RORA: variants seen among roughly 807,000 people sequenced by gnomAD.
RORA encodes the protein RAR related orphan receptor A.
A neutral mutation model predicts 69.5 loss-of-function variants in RORA; 7 were observed. The observed-to-expected ratio is 0.10, with a 90% CI of 0.06 to 0.19. The LOEUF (loss-of-function observed/expected upper bound fraction) is 0.19, where lower values mean the gene tolerates loss of function less well. Ranked by LOEUF, RORA falls within the 10% of genes least tolerant of loss-of-function variation. The pLI is 1.00. For synonymous variants in RORA, 261 were observed against 240.8 expected (o/e 1.08, Z -0.78); for missense variants, 457 against 663.0 (o/e 0.69, Z 3.41).
At chr15:60,701,501 G>T (rs1369675841) in intron 1 of RORA, among the ~76,000 whole-genome samples, 1 of 152,162 alleles carries the variant, frequency 6.6e-6, no homozygotes. Flanking sequence ...GTGAACAAAG[G>T]ATTTGGAACT....
intron 1 of RORA, among the ~76,000 whole-genome samples, chr15:61,083,213 G>A (rs2078571235): frequency 6.6e-6 from 1 of 152,336 alleles, no homozygotes; most frequent in African/African-American, 2.4e-5. Context: ...TCCCGAGGCT[G>A]ACACGGCTTC....
At chr15:60,697,342 T>C (rs2070919739) in intron 1 of RORA, among the ~76,000 whole-genome samples, 1 of 152,220 alleles carries the variant, frequency 6.6e-6, no homozygotes, top group African/African-American at 2.4e-5. Context: ...AACTGTTTTT[T>C]CAAAAGCCAC....
intron 1 of RORA, among the ~76,000 whole-genome samples, chr15:60,823,603 A>G (rs2072922136): frequency 1.3e-5 from 2 of 152,182 alleles, no homozygotes; most frequent in African/African-American, 2.4e-5. Context: ...CAGATGTCTG[A>G]ATTTTTCATT....
intron 1 of RORA, among the ~76,000 whole-genome samples, chr15:61,119,079 G>GAA: frequency 6.8e-5 from 1 of 14,732 alleles, no homozygotes; most frequent in East Asian, 3.3e-3. Flanking sequence ...GCAGTTAACA[G>GAA]AAGGGGGGGG....
chr15:60,710,325 C>T (rs550497533), intron 1 of RORA, among the ~76,000 whole-genome samples: 88 of 152,122 alleles, frequency 5.8e-4, no homozygotes, highest in South Asian at 1.2e-3. Flanking sequence ...CCCATCTCTA[C>T]TAAAAATACA....
At chr15:60,782,252 C>G (rs777100931) in intron 1 of RORA, among the ~76,000 whole-genome samples, 52 of 152,016 alleles carry the variant, frequency 3.4e-4, no homozygotes, top group Non-Finnish European at 6.8e-4. Context: ...AAGAAATGCC[C>G]GTTGCACGAC....
rs539230989 is a variant in RORA at position 60,913,160 on chromosome 15, T to C, written c.167-234474A>G. Among the ~76,000 whole-genome samples the C allele has an allele frequency of 6.6e-5, 10 of 152,316 alleles. No individual in the cohort carries two copies. The East Asian group carries it at 1.7e-3, about 27-fold the overall frequency. The stretch of plus-strand genomic sequence containing the variant: ...CGCTTTGGAGGACTTCCTCTTTCCC[T>C]GGCTTCTGAGTGATTATGTGCTGGG... On this transcript the variant is annotated intron_variant, in intron 1 of 10. Coordinates refer to ENST00000335670, the MANE Select transcript of RORA (RefSeq NM_134261.3).
rs2066622491 is a variant in RORA, at chr15:60,534,575, G to T, written c.197-2724C>A. Among the ~76,000 whole-genome samples the T allele has an allele frequency of 1.3e-5, 2 of 151,978 alleles. No individual in the cohort carries two copies. The highest frequency in any genetic ancestry group is 2.4e-5 in the African/African-American group (1 of 41,370). ...AAAGAATCAGATTTAATTGAAACAG[G>T]CTTCACCGGGAATCTCTCGGTAAGG... On this transcript the variant is annotated intron_variant, in intron 2 of 10. Coordinates refer to ENST00000335670, the MANE Select transcript of RORA (RefSeq NM_134261.3). The surrounding 1 kb of genome is among the most constrained non-coding windows in gnomAD (Gnocchi z 5.0).
rs929607867 is a variant in RORA at position 61,213,061 on chromosome 15, A to C, written c.166+15992T>G. 5.3e-5 allele frequency among the ~76,000 whole-genome samples: 8 copies of C among 152,110 alleles called. No individual in the cohort carries two copies. The highest frequency in any genetic ancestry group is 1.7e-4 in the African/African-American group (7 of 41,506). ...ACCCCCATTCCCCGCTGCCCATCAG[A>C]TATGTCCCTGGAACTTCCAACTCAG... On this transcript the variant is annotated intron_variant, in intron 1 of 10. Transcript: ENST00000335670. The surrounding 1 kb of genome is among the most constrained non-coding windows in gnomAD (Gnocchi z 4.1).
chr15:60,964,261 A>G (rs1395895118), intron 1 of RORA, among the ~76,000 whole-genome samples: 3 of 152,224 alleles, frequency 2.0e-5, no homozygotes, highest in African/African-American at 7.2e-5. Context: ...TAATATGCCT[A>G]TCTGTATAAG....
At position 61,010,017 on chromosome 15, in the gene RORA, G is replaced by C. The variant is rs1427699790; in HGVS notation, c.166+219036C>G. Among the ~76,000 whole-genome samples the C allele has an allele frequency of 3.9e-5, 6 of 152,104 alleles. No individual in the cohort carries two copies. In the South Asian group the frequency reaches 1.2e-3, roughly 31 times the overall value. The stretch of plus-strand genomic sequence containing the variant: ...TGCCTTTTCTTCTTTGCCCCCAACT[G>C]TACTGCTTCATTTTTAACATATGTT... On this transcript the variant is annotated intron_variant, in intron 1 of 10. Transcript: ENST00000335670.
At chr15:60,808,430 T>C (rs1235178974) in intron 1 of RORA, among the ~76,000 whole-genome samples, 1 of 152,106 alleles carries the variant, frequency 6.6e-6, no homozygotes, top group African/African-American at 2.4e-5. Context: ...AGTGCTGATG[T>C]GGTGAAAAGG....
intron 8 of RORA, among the ~76,000 whole-genome samples, chr15:60,501,511 G>A (rs1289223666): frequency 2.6e-5 from 4 of 152,154 alleles, no homozygotes; most frequent in Non-Finnish European, 5.9e-5. Flanking sequence ...ATGCACCTAA[G>A]GTCACACAGG....
At chr15:61,167,482 A>ATTTTTTTTTTTT (rs199752865) in intron 1 of RORA, among the ~76,000 whole-genome samples, 9 of 133,682 alleles carry the variant, frequency 6.7e-5, no homozygotes, top group African/African-American at 1.4e-4. Context: ...TTTGACCAGG[A>ATTTTTTTTTTTT]TTTTTTTTTT....
intron 1 of RORA, among the ~76,000 whole-genome samples, chr15:60,894,877 G>A (rs912930319): frequency 1.3e-5 from 2 of 152,174 alleles, no homozygotes; most frequent in Non-Finnish European, 2.9e-5. Context: ...CACAGGCACA[G>A]CAGGCAAGGC....
intron 1 of RORA, among the ~76,000 whole-genome samples, chr15:60,882,317 T>G (rs2073690102): frequency 6.6e-6 from 1 of 152,172 alleles, no homozygotes; most frequent in Non-Finnish European, 1.5e-5. Context: ...GAGGGGAGTA[T>G]GCACTGACCT....
At chr15:60,618,806 C>T (rs1003335577) in intron 2 of RORA, among the ~76,000 whole-genome samples, 2 of 152,192 alleles carry the variant, frequency 1.3e-5, no homozygotes, top group Admixed American at 1.3e-4. Context: ...TTCTTTGTAA[C>T]TTTTCCTGCC....
intron 2 of RORA, among the ~76,000 whole-genome samples, chr15:60,584,672 T>C (rs893428015): frequency 2.0e-5 from 3 of 152,226 alleles, no homozygotes; most frequent in Non-Finnish European, 2.9e-5. Context: ...CAAATTTATT[T>C]ACTTATTTTC....
chr15:60,723,384 C>G (rs1360029306), intron 1 of RORA, among the ~76,000 whole-genome samples: 1 of 150,690 alleles, frequency 6.6e-6, no homozygotes, highest in South Asian at 2.1e-4. Flanking sequence ...CATTCCCCCC[C>G]CCACTCACAT....
Sources: allele counts gnomAD v4.1 joint callset (sites outside exome capture counted in the v4.1 genomes callset), GRCh38; gene constraint gnomAD v4.1.1; non-coding constraint Gnocchi (gnomAD v3.1); transcripts MANE v1.5; gene names NCBI Gene and HGNC (gene_info 2026-07-23, HGNC 2026-07-21).